Variants in IQGAP1 observed in about 807,000 individuals in gnomAD.
IQGAP1 encodes the protein IQ motif containing GTPase activating protein 1, also known as ras GTPase-activating-like protein IQGAP1.
In IQGAP1, 66 loss-of-function variants were observed where a neutral mutation model predicts 215.6. That is an observed-to-expected ratio of 0.31 (90% CI 0.25 to 0.38). The LOEUF (loss-of-function observed/expected upper bound fraction) is 0.38. IQGAP1 is among the 10% of genes least tolerant of loss of function. The probability of loss-of-function intolerance (pLI) is 1.00; values close to 1 mark genes in which losing one functional copy is unlikely to be tolerated. For synonymous variants in IQGAP1, 772 were observed against 728.7 expected (o/e 1.06, Z -0.96); for missense variants, 1,712 against 1,997.1 (o/e 0.86, Z 2.72).
Position 90,481,253 on chromosome 15 carries a change from A to G in IQGAP1, c.3330-707A>G, listed in dbSNP as rs76683211. 8.4e-3 allele frequency among the ~76,000 whole-genome samples: 1,229 copies of G among 146,032 alleles called. 36 individuals are homozygous for G. The East Asian group carries it at 0.11, about 13-fold the overall frequency. On this transcript the variant is annotated intron_variant, in intron 26 of 37. Transcript: ENST00000268182. ...CTTCTCTTCCCCTTCTGTGTGTACC[A>G]AAGCTCTCTCTGCCTCTTTTTTTTT...
At chr15:90,490,470 G>T (rs538128444) in intron 33 of IQGAP1, among the ~76,000 whole-genome samples, 5 of 110,062 alleles carry the variant, frequency 4.5e-5, no homozygotes, top group African/African-American at 1.5e-4. Flanking sequence ...GAAGGATGGC[G>T]ACTATGAAGG....
At position 90,460,264 on chromosome 15, in the gene IQGAP1, C is replaced by A. The variant is rs939310604; in HGVS notation, c.1776+3949C>A. Among the ~76,000 whole-genome samples, 4 of 152,232 alleles carry A rather than the reference C, an allele frequency of 2.6e-5. No homozygotes were observed. In the South Asian group the frequency reaches 8.3e-4, roughly 32 times the overall value. On this transcript the variant is annotated intron_variant, in intron 15 of 37. Transcript: ENST00000268182. ...TTCATGATGATATGCTAAACAAGAG[C>A]TTTATCAGATCTTTTCTGAGCATGT...
chr15:90,395,478 G>A (rs772607436), intron 2 of IQGAP1, among the ~76,000 whole-genome samples: 12 of 151,992 alleles, frequency 7.9e-5, no homozygotes, highest in Non-Finnish European at 1.8e-4. Flanking sequence ...CCACCACCAC[G>A]CCTGGCTAAT....
Position 90,388,250 on chromosome 15 carries a change from C to T in IQGAP1, c.-92C>T, listed in dbSNP as rs913174335. The T allele has an allele frequency of 3.1e-5, 44 of 1,439,274 alleles. No individual in the cohort carries two copies. In the Middle Eastern group the frequency reaches 1.1e-3, roughly 36 times the overall value. 89.2% of individuals were successfully genotyped at this position (1,439,274 alleles called of 1,614,324 possible). ...CGGGGCGGGGCCTCGGGGACCCCGGCAAGCCCGCGCACTTGGCAGGAGCTG... is the reference window on the plus strand; with the variant it reads ...CGGGGCGGGGCCTCGGGGACCCCGGTAAGCCCGCGCACTTGGCAGGAGCTG... On this transcript the variant is annotated 5_prime_UTR_variant, in exon 1 of 38. Transcript: ENST00000268182.
chr15:90,482,597 A>G (rs1966074601), intron 28 of IQGAP1: 2 of 452,898 alleles, frequency 4.4e-6, no homozygotes, highest in Non-Finnish European at 7.1e-6. Flanking sequence ...TAGCAGGCAC[A>G]GTTGTTTCTG....
chr15:90,471,809 G>A (rs1178673217), intron 18 of IQGAP1, among the ~76,000 whole-genome samples: 2 of 147,606 alleles, frequency 1.4e-5, no homozygotes, highest in Non-Finnish European at 3.0e-5. Flanking sequence ...CACTCGTGGA[G>A]TCTTTTAAGT....
At chr15:90,438,329 G>A (rs1965398496) in intron 5 of IQGAP1, among the ~76,000 whole-genome samples, 3 of 152,096 alleles carry the variant, frequency 2.0e-5, no homozygotes, top group Non-Finnish European at 4.4e-5. Context: ...CAGGCTTATG[G>A]ACATTAATTT....
chr15:90,441,729 C>T (rs374042010), intron 8 of IQGAP1, 45 bp downstream of exon 8: 14 of 1,358,736 alleles, frequency 1.0e-5, no homozygotes, highest in South Asian at 2.6e-5. Context: ...TATATTATTC[C>T]GTCATTTGAT....
At chr15:90,492,291 G>A (rs2151039627) in intron 34 of IQGAP1, among the ~76,000 whole-genome samples, 1 of 152,158 alleles carries the variant, frequency 6.6e-6, no homozygotes, top group Non-Finnish European at 1.5e-5. Context: ...TTAGCCAGAT[G>A]TGGTGGCATG....
At chr15:90,488,917 G>A (rs1380412725) in intron 33 of IQGAP1, among the ~76,000 whole-genome samples, 1 of 152,080 alleles carries the variant, frequency 6.6e-6, no homozygotes, top group Non-Finnish European at 1.5e-5. Flanking sequence ...CAAACTAGAT[G>A]GGAATTTGTC....
At chr15:90,475,350 C>T (rs1596285661) in intron 23 of IQGAP1, among the ~76,000 whole-genome samples, 1 of 150,698 alleles carries the variant, frequency 6.6e-6, no homozygotes, top group Non-Finnish European at 1.5e-5. Flanking sequence ...CCAGGCTGGT[C>T]TGGAACTCCT....
chr15:90,444,243 C>CTGTGTGTGTGTGTGTGTG (rs34494521), intron 9 of IQGAP1, among the ~76,000 whole-genome samples: 6 of 126,948 alleles, frequency 4.7e-5, no homozygotes, highest in African/African-American at 1.2e-4. Context: ...TCCTTCAAAA[C>CTGTGTGTGTGTGTGTGTG]TGTGTGTGTG....
chr15:90,451,723 T>C (rs1238379022), intron 11 of IQGAP1, among the ~76,000 whole-genome samples: 5 of 152,116 alleles, frequency 3.3e-5, no homozygotes, highest in Non-Finnish European at 4.4e-5. Flanking sequence ...AGCACTGTCT[T>C]TTCCCTGATG....
rs979725237 is a variant in IQGAP1, at chr15:90,497,269, G to C, written c.4789G>C (p.Glu1597Gln). 6.2e-7 allele frequency: 1 copy of C among 1,606,498 alleles called. No homozygotes were observed. The change falls in exon 37 of 38, where the codon GAA becomes CAA. Residue 1597 changes from glutamate (E) to glutamine (Q), a missense_variant. Physicochemically the swap from Glu to Gln is conservative, Grantham distance 29. Around this residue, in one of 2 missense-constraint regions of IQGAP1, gnomAD observed 691 missense variants for 923.0 expected, o/e 0.75. Transcript: ENST00000268182. ...TATATTTGAAATCAGTCCAACAGAAGAAGTTGGAGACTTCGAAGTGAAAGC... is the reference window on the plus strand; with the variant it reads ...TATATTTGAAATCAGTCCAACAGAACAAGTTGGAGACTTCGAAGTGAAAGC... ...NVIFEISPTE[E>Q]VGDFEVKAKF... is the part of the protein sequence containing the mutation.
intron 33 of IQGAP1, among the ~76,000 whole-genome samples, chr15:90,489,303 T>C (rs569047452): frequency 6.6e-6 from 1 of 152,032 alleles, no homozygotes; most frequent in African/African-American, 2.4e-5. Flanking sequence ...AATTTTTGTA[T>C]TTTTAGTAGA....
intron 15 of IQGAP1, among the ~76,000 whole-genome samples, chr15:90,465,640 A>G (rs1215832872): frequency 2.0e-5 from 3 of 151,880 alleles, no homozygotes; most frequent in Non-Finnish European, 4.4e-5. Context: ...AGCTGGGACT[A>G]TAGGCGTGCA....
chr15:90,452,312 G>A (rs1330177795), intron 11 of IQGAP1, among the ~76,000 whole-genome samples: 1 of 152,192 alleles, frequency 6.6e-6, no homozygotes, highest in Non-Finnish European at 1.5e-5. Flanking sequence ...AAAGGAGGTG[G>A]GAGCGGAAGT....
intron 2 of IQGAP1, among the ~76,000 whole-genome samples, chr15:90,422,658 A>G (rs1240738926): frequency 4.4e-5 from 3 of 68,094 alleles, no homozygotes; most frequent in Non-Finnish European, 7.9e-5. Flanking sequence ...ATATATATAT[A>G]TGTATATATA....
chr15:90,495,062 T>C (rs16944523), intron 36 of IQGAP1, among the ~76,000 whole-genome samples: 23,672 of 152,274 alleles, frequency 0.16, 2,623 homozygotes, highest in East Asian at 0.46. Context: ...TGTTCACTTA[T>C]TTGGGTCTGA....
Sources: allele counts gnomAD v4.1 joint callset (sites outside exome capture counted in the v4.1 genomes callset), GRCh38; gene constraint gnomAD v4.1.1; regional missense constraint gnomAD v4.1.1; transcripts MANE v1.5; gene names NCBI Gene and HGNC (gene_info 2026-07-23, HGNC 2026-07-21).